MAML2: variants seen among roughly 807,000 people sequenced by gnomAD.
MAML2 encodes mastermind-like protein 2.
A neutral mutation model predicts 96.1 loss-of-function variants in MAML2; 22 were observed. The ratio of observed to expected loss-of-function variants is 0.23; its 90% CI spans 0.16 to 0.33. MAML2 has a LOEUF of 0.33. Ranked by LOEUF, MAML2 falls within the 10% of genes least tolerant of loss-of-function variation. The pLI is 1.00. For synonymous variants in MAML2, 561 were observed against 521.3 expected (o/e 1.08, Z -1.04); for missense variants, 1,367 against 1,392.4 (o/e 0.98, Z 0.29).
chr11:96,174,290 A>C (rs1179668207), intron 1 of MAML2, among the ~76,000 whole-genome samples: 1 of 152,216 alleles, frequency 6.6e-6, no homozygotes, highest in African/African-American at 2.4e-5. Context: ...CCAATCGCAT[A>C]TCCTCTGTGA....
intron 2 of MAML2, among the ~76,000 whole-genome samples, chr11:96,083,107 A>G (rs897700314): frequency 3.3e-5 from 5 of 152,228 alleles, no homozygotes; most frequent in African/African-American, 1.2e-4. Flanking sequence ...GGAGAAAATG[A>G]GACAGAGGAT....
chr11:96,202,834 G>T (rs1017024955), intron 1 of MAML2, among the ~76,000 whole-genome samples: 1 of 151,950 alleles, frequency 6.6e-6, no homozygotes, highest in African/African-American at 2.4e-5. Flanking sequence ...CACCACGTTG[G>T]CCAGGCTGGT....
At chr11:96,116,754 C>T (rs147314880) in intron 1 of MAML2, among the ~76,000 whole-genome samples, 1 of 152,134 alleles carries the variant, frequency 6.6e-6, no homozygotes, top group East Asian at 1.9e-4. Context: ...ATATGTATGG[C>T]GAAGAGAGTG....
At chr11:96,329,384 C>T (rs542478666) in intron 1 of MAML2, among the ~76,000 whole-genome samples, 2 of 152,260 alleles carry the variant, frequency 1.3e-5, no homozygotes, top group Non-Finnish European at 2.9e-5. Flanking sequence ...ACCTTGTCCC[C>T]CACATAACTT....
intron 1 of MAML2, among the ~76,000 whole-genome samples, chr11:96,285,646 A>T (rs1326249861): frequency 6.6e-6 from 1 of 152,198 alleles, no homozygotes; most frequent in Non-Finnish European, 1.5e-5. Flanking sequence ...AAACAACCCC[A>T]TTAAAAAGTA....
intron 1 of MAML2, among the ~76,000 whole-genome samples, chr11:96,233,674 G>A (rs1862328177): frequency 6.6e-6 from 1 of 152,086 alleles, no homozygotes; most frequent in African/African-American, 2.4e-5. Context: ...CTCCTAAAGT[G>A]CTGGGATTAC....
In MAML2 at chr11:96,282,122, C is replaced by T. The variant is rs566494447; in HGVS notation, c.513+59261G>A. 1.5e-4 allele frequency among the ~76,000 whole-genome samples: 22 copies of T among 151,514 alleles called. No homozygotes were observed. In the East Asian group the frequency reaches 3.9e-3, roughly 27 times the overall value. ...AAATTAGCTGGGCGTGGTGGCGGGC[C>T]CCTGTAGTCCAAGCTACTCGGGAGG... is the stretch of plus-strand genomic sequence containing the variant. On this transcript the variant is annotated intron_variant, in intron 1 of 4. Transcript: ENST00000524717.
chr11:96,268,717 G>A (rs1307820064), intron 1 of MAML2, among the ~76,000 whole-genome samples: 1 of 152,096 alleles, frequency 6.6e-6, no homozygotes, highest in Non-Finnish European at 1.5e-5. Context: ...TCTCGTGATA[G>A]TTAATAAGTC....
rs542247067 is a variant in MAML2 at position 96,012,315 on chromosome 11, G to A, written c.2140-20592C>T. On this transcript the variant is annotated intron_variant, in intron 2 of 4. Transcript: ENST00000524717. ...ACACCAAAACAGTCCCTCATTACAA[G>A]CCTTGTCCAACAATCAAGTCTTTAA... Among the ~76,000 whole-genome samples, 3 of 152,292 alleles carry A rather than the reference G, an allele frequency of 2.0e-5. No homozygotes were observed. The East Asian group carries it at 5.8e-4, about 29-fold the overall frequency.
chr11:96,321,184 C>T lies in MAML2; in HGVS notation c.513+20199G>A, dbSNP rs114931164. On this transcript the variant is annotated intron_variant, in intron 1 of 4. Coordinates refer to ENST00000524717, the MANE Select transcript of MAML2 (RefSeq NM_032427.4). Reference sequence around the variant, plus strand: ...CTTCCCACTTCACAAATGTAGCCAACCTCTGAGCACAGTTGCCCTCTTGTA... The same window carrying T: ...CTTCCCACTTCACAAATGTAGCCAATCTCTGAGCACAGTTGCCCTCTTGTA... Among the ~76,000 whole-genome samples the T allele has an allele frequency of 2.2e-3, 332 of 152,314 alleles. 1 individual carries two copies. Among genetic ancestry groups the T allele is most frequent in the African/African-American group, 7.2e-3 (299 of 41,572 alleles).
At chr11:96,017,012 C>T (rs12575589) in intron 2 of MAML2, among the ~76,000 whole-genome samples, 29,225 of 151,958 alleles carry the variant, frequency 0.19, 3,416 homozygotes, top group East Asian at 0.39. Context: ...ATTTTAAAGG[C>T]AATTAACTAT....
intron 1 of MAML2, among the ~76,000 whole-genome samples, chr11:96,230,310 T>G (rs1473878002): frequency 6.6e-6 from 1 of 152,228 alleles, no homozygotes; most frequent in Non-Finnish European, 1.5e-5. Flanking sequence ...TTTATATGTT[T>G]TGCTCATTCA....
At chr11:96,259,559 G>A (rs904152807) in intron 1 of MAML2, among the ~76,000 whole-genome samples, 4 of 152,166 alleles carry the variant, frequency 2.6e-5, no homozygotes, top group Admixed American at 2.6e-4. Flanking sequence ...TTTCTCCTGT[G>A]GGTATGCTGG....
At chr11:96,328,410 C>A (rs1048417103) in intron 1 of MAML2, among the ~76,000 whole-genome samples, 1 of 151,916 alleles carries the variant, frequency 6.6e-6, no homozygotes, top group African/African-American at 2.4e-5. Flanking sequence ...CTACTCTCAG[C>A]TTGAATGAAA....
At chr11:96,245,705 A>ATTG in intron 1 of MAML2, among the ~76,000 whole-genome samples, 1 of 136,942 alleles carries the variant, frequency 7.3e-6, no homozygotes, top group East Asian at 2.1e-4. Flanking sequence ...CCCATACCTA[A>ATTG]TTTTTTTTTT....
At chr11:96,317,311 C>A (rs1863645606) in intron 1 of MAML2, among the ~76,000 whole-genome samples, 1 of 152,158 alleles carries the variant, frequency 6.6e-6, no homozygotes, top group Admixed American at 6.5e-5. Context: ...CTAAAAAATA[C>A]ATTTCATATC....
At chr11:96,225,327 C>T (rs965639669) in intron 1 of MAML2, among the ~76,000 whole-genome samples, 2 of 152,164 alleles carry the variant, frequency 1.3e-5, no homozygotes, top group Admixed American at 6.5e-5. Flanking sequence ...CAGAGAGGCT[C>T]ACATGATGGT....
At chr11:96,271,265 T>G (rs756641261) in intron 1 of MAML2, among the ~76,000 whole-genome samples, 16 of 152,280 alleles carry the variant, frequency 1.1e-4, no homozygotes, top group Non-Finnish European at 2.4e-4. Flanking sequence ...TATACATATA[T>G]CCTATTAGTT....
chr11:95,979,803 A>G lies in MAML2; in HGVS notation c.2616T>C (p.Asn872=), dbSNP rs371003502. 2.5e-6 allele frequency: 4 copies of G among 1,613,954 alleles called. No individual in the cohort carries two copies. Among genetic ancestry groups the G allele is most frequent in the Non-Finnish European group, 3.4e-6 (4 of 1,179,874 alleles). ...TAVQNMGMYG[N]LPCNQPNTYS... Reference sequence around the variant, plus strand: ...ATGTGTTAGGTTGATTACAAGGCAGATTTCCATACATCCCCATATTCTGAA... The same window carrying G: ...ATGTGTTAGGTTGATTACAAGGCAGGTTTCCATACATCCCCATATTCTGAA... Residue 872 remains asparagine (N), a synonymous_variant, in exon 5 of 5, where the codon AAT becomes AAC. Transcript: ENST00000524717.
Sources: gnomAD v4.1 joint callset for allele counts (sites outside exome capture counted in the v4.1 genomes callset) on GRCh38, gnomAD v4.1.1 for gene constraint, MANE v1.5 for transcripts, NCBI Gene and HGNC (gene_info 2026-07-23, HGNC 2026-07-21) for gene names.